The following ADGRL3 variants were observed in gnomAD, a reference collection of about 807,000 sequenced individuals.
ADGRL3 encodes the protein adhesion G protein-coupled receptor L3.
In ADGRL3, 62 loss-of-function variants were observed where a neutral mutation model predicts 153.5. That is an observed-to-expected ratio of 0.40 (90% confidence interval 0.33 to 0.50). The LOEUF (loss-of-function observed/expected upper bound fraction) is 0.50, where lower values mean the gene tolerates loss of function less well. Among genes scored for constraint, ADGRL3 ranks in the 20% least tolerant of loss-of-function variants. The pLI, the probability that ADGRL3 is intolerant of heterozygous loss-of-function variation, is 0.47. For missense variants in ADGRL3, 1,641 were observed against 1,859.4 expected, an observed-to-expected ratio of 0.88 and a Z score of 2.16; for synonymous variants, 710 against 672.5, an observed-to-expected ratio of 1.06 and a Z score of -0.86.
Position 61,723,126 on chromosome 4 carries a change from TC to T in ADGRL3, c.584-7495del, listed in dbSNP as rs1375963637. Among the ~76,000 whole-genome samples, 48 of 152,228 alleles carry T rather than the reference TC, an allele frequency of 3.2e-4. 1 individual carries two copies. Among genetic ancestry groups the T allele is most frequent in the African/African-American group, 1.0e-3 (42 of 41,464 alleles). The stretch of plus-strand genomic sequence containing the variant: ...CTCTTGACAATTCCCCCTTTCTCTG[TC>T]ATTCACTTCTATTCTTGTCTGTTTT... On this transcript the variant is annotated intron_variant, in intron 6 of 26. Transcript: ENST00000683033.
At chr4:61,449,828 T>A (rs2097652336) in intron 2 of ADGRL3, among the ~76,000 whole-genome samples, 3 of 152,188 alleles carry the variant, frequency 2.0e-5, no homozygotes, top group Admixed American at 1.3e-4. Flanking sequence ...CTGGACACAC[T>A]TAATATTAGT....
chr4:61,296,747 G>T (rs1317847608), intron 1 of ADGRL3, among the ~76,000 whole-genome samples: 1 of 152,020 alleles, frequency 6.6e-6, no homozygotes, highest in Non-Finnish European at 1.5e-5. Context: ...ATATGATATT[G>T]TGTACCTTTA....
intron 22 of ADGRL3, 75 bp from the exon 23 acceptor site, chr4:62,031,366 CG>C: frequency 8.3e-7 from 1 of 1,202,258 alleles, no homozygotes; most frequent in Non-Finnish European, 1.2e-6. Context: ...TTTTCAGTGT[CG>C]TATTGTTGAT....
intron 21 of ADGRL3, among the ~76,000 whole-genome samples, chr4:62,022,516 A>C (rs1400518088): frequency 6.6e-6 from 1 of 152,180 alleles, no homozygotes; most frequent in Non-Finnish European, 1.5e-5. Context: ...ACAAGATGCC[A>C]TCTGGAACTT....
rs74394896 is a variant in ADGRL3, at chr4:61,741,239, A to G, written c.1399+7685A>G. ...CACCCTCGTCAGAAAATGGAGCCTA[A>G]AAGTAGTAGGATCTTAAATCAAACT... On this transcript the variant is annotated intron_variant, in intron 8 of 26. Transcript: ENST00000683033. Among the ~76,000 whole-genome samples the G allele has an allele frequency of 5.9e-3, 898 of 152,310 alleles. 7 individuals are homozygous for G. Among genetic ancestry groups the G allele is most frequent in the African/African-American group, 0.021 (855 of 41,564 alleles).
In ADGRL3 at chr4:62,075,063, T is replaced by C. The variant is rs1746719156; in HGVS notation, c.*4155T>C. ...TAAAGATCAAAAGGGAGAGGAAAAA[T>C]AGTTTACAAGTTTTCTAAAGATCAA... On this transcript the variant is annotated 3_prime_UTR_variant, in exon 27 of 27. Transcript: ENST00000683033. The C allele has an allele frequency of 3.3e-5, 5 of 152,066 alleles. No homozygotes were observed. Among genetic ancestry groups the C allele is most frequent in the Admixed American group, 2.6e-4 (4 of 15,244 alleles). The allele number at this position is 152,066 out of a possible 1,614,324, so 9.4% of individuals were successfully genotyped here.
At chr4:61,964,986 T>C (rs966660855) in intron 17 of ADGRL3, among the ~76,000 whole-genome samples, 2 of 152,098 alleles carry the variant, frequency 1.3e-5, no homozygotes, top group African/African-American at 4.8e-5. Context: ...ATTTCCGTAA[T>C]TGTTTTTCTT....
intron 5 of ADGRL3, among the ~76,000 whole-genome samples, chr4:61,615,035 T>A (rs2078033613): frequency 6.6e-6 from 1 of 152,136 alleles, no homozygotes; most frequent in Non-Finnish European, 1.5e-5. Flanking sequence ...AATAAGGCAT[T>A]TTCCGTAAGC....
intron 18 of ADGRL3, among the ~76,000 whole-genome samples, chr4:61,983,138 A>T (rs1314940524): frequency 4.0e-5 from 6 of 150,748 alleles, no homozygotes; most frequent in East Asian, 1.9e-4. Flanking sequence ...TCTAAGTATT[A>T]TTTTTTTTAT....
intron 9 of ADGRL3, among the ~76,000 whole-genome samples, chr4:61,877,259 A>C (rs2098481281): frequency 6.6e-6 from 1 of 152,202 alleles, no homozygotes. Flanking sequence ...GGTGGACCTC[A>C]AAGCATTATG....
At position 61,733,322 on chromosome 4, in the gene ADGRL3, T is replaced by C. The variant is rs2096466383; in HGVS notation, c.1167T>C (p.Tyr389=). The C allele has an allele frequency of 1.2e-6, 2 of 1,613,612 alleles. No homozygotes were observed. The highest frequency in any genetic ancestry group is 2.2e-5 in the South Asian group (2 of 91,080). ...CCTTTATGATTTGTGGAATTCTGTA[T>C]GTGGTCAAATCTGTATATGAGGATG... ...SNAFMICGIL[Y]VVKSVYEDDD... Residue 389 remains tyrosine (Y), a synonymous_variant, in exon 8 of 27, where the codon TAT becomes TAC. Transcript: ENST00000683033.
At chr4:62,006,026 ATATATATT>A (rs1213343773) in intron 21 of ADGRL3, among the ~76,000 whole-genome samples, 14 of 100,308 alleles carry the variant, frequency 1.4e-4, no homozygotes, top group African/African-American at 5.1e-4. Flanking sequence ...ATATATATAT[ATATATATT>A]TTTTTTTTTT....
At chr4:61,522,344 C>G (rs1478277300) in intron 4 of ADGRL3, among the ~76,000 whole-genome samples, 1 of 152,030 alleles carries the variant, frequency 6.6e-6, no homozygotes, top group Non-Finnish European at 1.5e-5. Flanking sequence ...AATCTCTTGC[C>G]TAATTATAAC....
chr4:61,246,862 C>T (rs1331488101), intron 1 of ADGRL3, among the ~76,000 whole-genome samples: 7 of 151,654 alleles, frequency 4.6e-5, no homozygotes, highest in Non-Finnish European at 8.8e-5. Context: ...GGGGATGGCT[C>T]AGAATTGGAA....
intron 1 of ADGRL3, among the ~76,000 whole-genome samples, chr4:61,210,172 T>C (rs1233952567): frequency 2.0e-5 from 3 of 152,140 alleles, no homozygotes; most frequent in Non-Finnish European, 2.9e-5. Flanking sequence ...GGATATGATA[T>C]AGTAGGTGGT....
At chr4:61,290,075 A>G (rs937952200) in intron 1 of ADGRL3, among the ~76,000 whole-genome samples, 2 of 152,084 alleles carry the variant, frequency 1.3e-5, no homozygotes, top group African/African-American at 4.8e-5. Flanking sequence ...CTCCCCTATG[A>G]AGGAAGTATT....
In ADGRL3 at chr4:61,202,745, G is replaced by T. The variant is rs372595742; in HGVS notation, c.-240+980G>T. 1.1e-4 allele frequency among the ~76,000 whole-genome samples: 16 copies of T among 152,156 alleles called. No individual in the cohort carries two copies. The highest frequency in any genetic ancestry group is 2.2e-4 in the African/African-American group (9 of 41,532). Reference sequence around the variant, plus strand: ...TGCCAGGCCCCCAGCACTATAGGTGGGTGTGTGTGTGTCTGTGCGTGTGTG... The same window carrying T: ...TGCCAGGCCCCCAGCACTATAGGTGTGTGTGTGTGTGTCTGTGCGTGTGTG... On this transcript the variant is annotated intron_variant, in intron 1 of 26. Coordinates refer to ENST00000683033, the MANE Select transcript of ADGRL3 (RefSeq NM_001387552.1). The surrounding 1 kb of genome is among the most constrained non-coding windows in gnomAD (Gnocchi z 5.0).
intron 21 of ADGRL3, among the ~76,000 whole-genome samples, chr4:62,008,366 T>G (rs193289917): frequency 6.6e-6 from 1 of 152,170 alleles, no homozygotes; most frequent in East Asian, 1.9e-4. Flanking sequence ...TCTACACGAG[T>G]AGGCAAAAGA....
At chr4:61,284,200 G>A (rs1283672728) in intron 1 of ADGRL3, among the ~76,000 whole-genome samples, 2 of 151,906 alleles carry the variant, frequency 1.3e-5, no homozygotes, top group African/African-American at 2.4e-5. Context: ...AGTCATATAA[G>A]TGAGAGAGGC....
Sources: gnomAD v4.1 joint callset for allele counts (sites outside exome capture counted in the v4.1 genomes callset) on GRCh38, gnomAD v4.1.1 for gene constraint, Gnocchi (gnomAD v3.1) non-coding constraint, MANE v1.5 for transcripts, NCBI Gene and HGNC (gene_info 2026-07-23, HGNC 2026-07-21) for gene names.